The following LRP1B variants were observed in gnomAD, a reference collection of about 807,000 sequenced individuals.
LRP1B encodes low-density lipoprotein receptor-related protein 1B.
A neutral mutation model predicts 556.6 loss-of-function variants in LRP1B; 217 were observed. The ratio of observed to expected loss-of-function variants is 0.39; its 90% CI spans 0.35 to 0.44. The LOEUF (loss-of-function observed/expected upper bound fraction) is 0.44. Ranked by LOEUF, LRP1B falls within the 20% of genes least tolerant of loss-of-function variation. The probability of loss-of-function intolerance (pLI) is 1.00; values close to 1 mark genes in which losing one functional copy is unlikely to be tolerated. For synonymous variants in LRP1B, 2,047 were observed against 1,865.8 expected, an observed-to-expected ratio of 1.10 and a Z score of -2.50; for missense variants, 5,053 against 5,620.8, an observed-to-expected ratio of 0.90 and a Z score of 3.23.
chr2:141,171,045 T>C (rs1487065108), intron 7 of LRP1B, among the ~76,000 whole-genome samples: 2 of 152,168 alleles, frequency 1.3e-5, no homozygotes, highest in Non-Finnish European at 2.9e-5. Flanking sequence ...GGCAGTTTTA[T>C]GTTTATGGGA....
At chr2:142,077,528 A>G in intron 1 of LRP1B, among the ~76,000 whole-genome samples, 1 of 152,144 alleles carries the variant, frequency 6.6e-6, no homozygotes, top group East Asian at 1.9e-4. Context: ...AAAAATGTCT[A>G]TTAGTAAGAA....
At chr2:141,704,602 G>A (rs1057172773) in intron 2 of LRP1B, among the ~76,000 whole-genome samples, 2 of 151,854 alleles carry the variant, frequency 1.3e-5, no homozygotes, top group Admixed American at 6.6e-5. Flanking sequence ...TGTGTAACAT[G>A]CATAATGCAT....
intron 2 of LRP1B, among the ~76,000 whole-genome samples, chr2:141,521,584 C>T (rs1005932833): frequency 1.3e-5 from 2 of 151,550 alleles, no homozygotes; most frequent in African/African-American, 4.8e-5. Context: ...GATTTGCTTT[C>T]AGATTGAGAT....
At chr2:140,795,309 C>T (rs1203487837) in intron 32 of LRP1B, among the ~76,000 whole-genome samples, 2 of 152,052 alleles carry the variant, frequency 1.3e-5, no homozygotes, top group East Asian at 1.9e-4. Flanking sequence ...TCATCATTGG[C>T]CTTCTGAGTA....
At chr2:140,372,919 T>G (rs1683056180) in intron 69 of LRP1B, 89 bp downstream of exon 69, 2 of 1,351,488 alleles carry the variant, frequency 1.5e-6, no homozygotes, top group African/African-American at 2.9e-5. Context: ...ATGACATATT[T>G]GCCACTGTTT....
intron 1 of LRP1B, among the ~76,000 whole-genome samples, chr2:142,009,516 C>T (rs1292023114): frequency 5.9e-5 from 9 of 152,018 alleles, no homozygotes; most frequent in African/African-American, 2.2e-4. Context: ...CAGATTTTTG[C>T]ACGTGTTGTA....
chr2:140,251,257 A>G (rs1452951426), intron 86 of LRP1B, among the ~76,000 whole-genome samples: 2 of 151,916 alleles, frequency 1.3e-5, no homozygotes, highest in Admixed American at 6.6e-5. Flanking sequence ...GAAAGTTATT[A>G]CATTTAGTAG....
chr2:140,725,524 G>A (rs968364986), intron 35 of LRP1B, among the ~76,000 whole-genome samples: 40 of 137,514 alleles, frequency 2.9e-4, no homozygotes, highest in African/African-American at 7.5e-4. Context: ...ATCACACACC[G>A]GGGCCTGTCA....
At position 141,406,728 on chromosome 2, in the gene LRP1B, A is replaced by G. The variant is rs938405457; in HGVS notation, c.343+73668T>C. On this transcript the variant is annotated intron_variant, in intron 3 of 90. Transcript: ENST00000389484. The stretch of plus-strand genomic sequence containing the variant: ...TTAAATTATTTGCTTGGAATCAGCT[A>G]CTCCTCCACCATAGGAGGAGATTTA... Among the ~76,000 whole-genome samples the G allele has an allele frequency of 2.6e-5, 4 of 151,844 alleles. No homozygotes were observed. The East Asian group carries it at 7.7e-4, about 29-fold the overall frequency.
At chr2:140,387,885 T>G (rs1259057475) in intron 66 of LRP1B, among the ~76,000 whole-genome samples, 1 of 152,036 alleles carries the variant, frequency 6.6e-6, no homozygotes, top group African/African-American at 2.4e-5. Flanking sequence ...TACTGTTCCA[T>G]GTGTAAACAT....
chr2:140,654,050 A>AG (rs1684785103), intron 41 of LRP1B, among the ~76,000 whole-genome samples: 4 of 149,974 alleles, frequency 2.7e-5, no homozygotes, highest in African/African-American at 7.4e-5. Context: ...AAAAAAAAAA[A>AG]AGAGAGAGAG....
intron 13 of LRP1B, 35 bp from the exon 14 acceptor site, chr2:141,013,780 C>A (rs1697823289): frequency 4.6e-6 from 6 of 1,316,090 alleles, no homozygotes; most frequent in Non-Finnish European, 6.1e-6. Flanking sequence ...AAAATCAGAA[C>A]TGACCTTTAG....
intron 86 of LRP1B, among the ~76,000 whole-genome samples, chr2:140,260,347 A>G (rs1169987808): frequency 6.6e-6 from 1 of 151,906 alleles, no homozygotes; most frequent in African/African-American, 2.4e-5. Context: ...TCTGTTTTTA[A>G]AAGAGAATAG....
intron 2 of LRP1B, among the ~76,000 whole-genome samples, chr2:141,601,706 C>T (rs532597289): frequency 3.5e-4 from 53 of 151,276 alleles, no homozygotes; most frequent in Non-Finnish European, 6.6e-4. Flanking sequence ...TGCAATAAAG[C>T]GATCTTGTCT....
At chr2:141,542,540 A>G (rs1391955204) in intron 2 of LRP1B, among the ~76,000 whole-genome samples, 2 of 152,182 alleles carry the variant, frequency 1.3e-5, no homozygotes, top group Admixed American at 6.5e-5. Context: ...TATCTACCAT[A>G]CTTCTGATAT....
At chr2:141,184,781 C>T (rs890288624) in intron 7 of LRP1B, among the ~76,000 whole-genome samples, 6 of 151,600 alleles carry the variant, frequency 4.0e-5, no homozygotes, top group African/African-American at 9.7e-5. Context: ...CCATGCCCAC[C>T]GAGCCATACT....
intron 1 of LRP1B, among the ~76,000 whole-genome samples, chr2:141,990,538 C>T (rs1170280353): frequency 1.3e-5 from 2 of 151,904 alleles, no homozygotes; most frequent in East Asian, 3.9e-4. Context: ...ATAAAGAAAG[C>T]AGCTGTCTTA....
At chr2:140,772,197 T>A (rs1689336137) in intron 33 of LRP1B, among the ~76,000 whole-genome samples, 1 of 152,042 alleles carries the variant, frequency 6.6e-6, no homozygotes, top group Non-Finnish European at 1.5e-5. Flanking sequence ...AACTGATTCA[T>A]TCCACATTTT....
chr2:141,031,966 T>C (rs1423648789), intron 11 of LRP1B, among the ~76,000 whole-genome samples: 1 of 151,998 alleles, frequency 6.6e-6, no homozygotes, highest in African/African-American at 2.4e-5. Context: ...TAATCACATT[T>C]CTTTGTTATT....
Sources: allele counts gnomAD v4.1 joint callset (sites outside exome capture counted in the v4.1 genomes callset), GRCh38; gene constraint gnomAD v4.1.1; transcripts MANE v1.5; gene names NCBI Gene and HGNC (gene_info 2026-07-23, HGNC 2026-07-21).